Variants in MGAT4C observed in about 807,000 individuals in gnomAD.
MGAT4C encodes the protein MGAT4 family member C.
MGAT4C carries 19 observed loss-of-function variants against 40.1 expected under a neutral mutation model. That is an observed-to-expected ratio of 0.47 (90% CI 0.33 to 0.70). The LOEUF is 0.70. MGAT4C is among the 30% of genes least tolerant of loss of function. MGAT4C has a pLI of 0.02. For missense variants in MGAT4C, 491 were observed against 563.2 expected (o/e 0.87, Z 1.30); for synonymous variants, 181 against 187.1 (o/e 0.97, Z 0.27).
chr12:86,043,758 T>G (rs1892108486), intron 2 of MGAT4C, among the ~76,000 whole-genome samples: 1 of 152,228 alleles, frequency 6.6e-6, no homozygotes, highest in Non-Finnish European at 1.5e-5. Context: ...GGGATGTCAA[T>G]GAGTCAATAA....
intron 2 of MGAT4C, among the ~76,000 whole-genome samples, chr12:86,585,896 A>G (rs1398360202): frequency 6.6e-6 from 1 of 150,470 alleles, no homozygotes; most frequent in Non-Finnish European, 1.5e-5. Flanking sequence ...TGCAACATAC[A>G]TCTTCTTGAA....
chr12:86,247,915 T>C (rs966010029), intron 1 of MGAT4C, among the ~76,000 whole-genome samples: 1 of 152,154 alleles, frequency 6.6e-6, no homozygotes, highest in Non-Finnish European at 1.5e-5. Flanking sequence ...ATGTTCAGAT[T>C]TGTATTTCCT....
chr12:86,423,686 G>T (rs1173256542), intron 3 of MGAT4C, among the ~76,000 whole-genome samples: 1 of 152,046 alleles, frequency 6.6e-6, no homozygotes, highest in Non-Finnish European at 1.5e-5. Flanking sequence ...AACCAGAAAA[G>T]TCCAAAACTT....
chr12:86,561,618 G>A (rs1959866554), intron 2 of MGAT4C, among the ~76,000 whole-genome samples: 1 of 152,132 alleles, frequency 6.6e-6, no homozygotes, highest in Non-Finnish European at 1.5e-5. Flanking sequence ...TCCACTCATA[G>A]TATTTCTAAT....
intron 2 of MGAT4C, among the ~76,000 whole-genome samples, chr12:86,630,984 T>C (rs1345264261): frequency 6.6e-6 from 1 of 152,180 alleles, no homozygotes; most frequent in Non-Finnish European, 1.5e-5. Flanking sequence ...GCAGAAGACA[T>C]GATGGTATAT....
chr12:86,507,383 A>G (rs1252854081), intron 2 of MGAT4C, among the ~76,000 whole-genome samples: 1 of 152,160 alleles, frequency 6.6e-6, no homozygotes, highest in Non-Finnish European at 1.5e-5. Flanking sequence ...GGCTTCATGT[A>G]AGGAAAATGG....
At chr12:86,270,145 C>A (rs543809615) in intron 4 of MGAT4C, among the ~76,000 whole-genome samples, 1 of 152,212 alleles carries the variant, frequency 6.6e-6, no homozygotes, top group East Asian at 1.9e-4. Flanking sequence ...CGGCTCACTG[C>A]AACATCTGCC....
intron 1 of MGAT4C, among the ~76,000 whole-genome samples, chr12:86,167,756 G>A (rs901887961): frequency 6.6e-6 from 1 of 152,120 alleles, no homozygotes; most frequent in Admixed American, 6.5e-5. Context: ...ACCTCTTAAA[G>A]GTCCCTCCTA....
At chr12:86,659,137 G>A (rs1334368243) in intron 2 of MGAT4C, among the ~76,000 whole-genome samples, 4 of 151,896 alleles carry the variant, frequency 2.6e-5, no homozygotes, top group African/African-American at 4.8e-5. Context: ...CAGCAGATAC[G>A]CTTCCTCTAA....
chr12:86,122,758 C>G (rs1260236635), intron 1 of MGAT4C, among the ~76,000 whole-genome samples: 1 of 150,740 alleles, frequency 6.6e-6, no homozygotes, highest in African/African-American at 2.5e-5. Flanking sequence ...CTTGAAAGTT[C>G]TTTTAATGTG....
In MGAT4C at chr12:86,208,364, G is replaced by A. The variant is rs1481080874; in HGVS notation, c.-57+47875C>T. On this transcript the variant is annotated intron_variant, in intron 1 of 4. Transcript: ENST00000611864. ...CGCCTGTAATCCCAGCTACTCAGGC[G>A]GCTGAGTCAGGAGAATCGCTTGAAC... is the stretch of plus-strand genomic sequence containing the variant. 4.6e-5 allele frequency among the ~76,000 whole-genome samples: 7 copies of A among 152,268 alleles called. No individual in the cohort carries two copies. The South Asian group carries it at 1.0e-3, about 23-fold the overall frequency.
At chr12:86,163,930 G>T (rs575175839) in intron 1 of MGAT4C, among the ~76,000 whole-genome samples, 4 of 152,102 alleles carry the variant, frequency 2.6e-5, no homozygotes, top group Non-Finnish European at 5.9e-5. Flanking sequence ...TGCACATAAA[G>T]ATATGAAAGT....
intron 2 of MGAT4C, among the ~76,000 whole-genome samples, chr12:86,019,028 A>T (rs1471297532): frequency 2.6e-5 from 4 of 151,984 alleles, no homozygotes; most frequent in African/African-American, 4.8e-5. Context: ...ATATATATAA[A>T]TTTTTTTCTG....
rs748425983 is a variant in MGAT4C at position 85,971,288 on chromosome 12, G to C, written c.*8001C>G. 1 of 151,234 alleles carries C rather than the reference G, an allele frequency of 6.6e-6. No homozygotes were observed. Among genetic ancestry groups the C allele is most frequent in the South Asian group, 2.1e-4 (1 of 4,824 alleles). The allele number at this position is 151,234 out of a possible 1,614,324, so 9.4% of individuals were successfully genotyped here. A position where few individuals can be genotyped will look rare whatever the true frequency, so the allele number is the denominator to read the frequency against. On this transcript the variant is annotated 3_prime_UTR_variant, in exon 5 of 5. Transcript: ENST00000611864. ...GCACCCAGTTATTTGGTGGTACGCT[G>C]AGTGAAAATATGTAGCTTTATCTAC...
At chr12:86,125,839 A>G (rs1880148096) in intron 1 of MGAT4C, among the ~76,000 whole-genome samples, 1 of 152,118 alleles carries the variant, frequency 6.6e-6, no homozygotes, top group Non-Finnish European at 1.5e-5. Context: ...GGAAGCAATG[A>G]GTGACAGCTG....
At chr12:86,468,678 AT>A (rs1221692407) in intron 2 of MGAT4C, among the ~76,000 whole-genome samples, 1 of 152,036 alleles carries the variant, frequency 6.6e-6, no homozygotes, top group Non-Finnish European at 1.5e-5. Context: ...CTTCTACAAC[AT>A]TTCCCCTTCC....
At chr12:86,422,809 CAT>C (rs756336149) in intron 3 of MGAT4C, among the ~76,000 whole-genome samples, 8 of 151,902 alleles carry the variant, frequency 5.3e-5, no homozygotes, top group Non-Finnish European at 1.2e-4. Flanking sequence ...GGAAAAAAAA[CAT>C]AGAGTATCTG....
intron 2 of MGAT4C, among the ~76,000 whole-genome samples, chr12:86,044,999 T>A (rs929988170): frequency 1.3e-5 from 2 of 151,856 alleles, no homozygotes; most frequent in South Asian, 4.2e-4. Flanking sequence ...CCCCAAGAGT[T>A]GTTGGGGGCC....
rs540633997 is a variant in MGAT4C, at chr12:86,044,582, C to T, written c.-7+5092G>A. On this transcript the variant is annotated intron_variant, in intron 2 of 4. Transcript: ENST00000611864. ...GTGACAGTGGGCAAGTGAGTGCTGG[C>T]AAAGCAGCATGGGGGAGGCTGTGGT... 2.6e-5 allele frequency among the ~76,000 whole-genome samples: 4 copies of T among 151,998 alleles called. No individual in the cohort carries two copies. In the South Asian group the frequency reaches 8.3e-4, roughly 32 times the overall value.
Sources: allele counts gnomAD v4.1 joint callset (sites outside exome capture counted in the v4.1 genomes callset), GRCh38; gene constraint gnomAD v4.1.1; transcripts MANE v1.5; gene names NCBI Gene and HGNC (gene_info 2026-07-23, HGNC 2026-07-21).